Variants in UBE2E2 observed in about 807,000 individuals in gnomAD.
UBE2E2 encodes ubiquitin-conjugating enzyme E2 E2.
A neutral mutation model predicts 24.7 loss-of-function variants in UBE2E2; 6 were observed. The ratio of observed to expected loss-of-function variants is 0.24; its 90% CI spans 0.13 to 0.48. UBE2E2 has a LOEUF of 0.48. Among genes scored for constraint, UBE2E2 ranks in the 20% least tolerant of loss-of-function variants. The pLI is 0.99. For missense variants in UBE2E2, 169 were observed against 245.0 expected (o/e 0.69, Z 2.07); for synonymous variants, 104 against 83.6 (o/e 1.24, Z -1.33).
At chr3:23,581,752 T>A (rs556664364) in intron 5 of UBE2E2, among the ~76,000 whole-genome samples, 10 of 152,250 alleles carry the variant, frequency 6.6e-5, no homozygotes, top group South Asian at 2.1e-4. Context: ...AATAAAAAAA[T>A]TTTTCGTGTA....
chr3:23,500,348 T>C (rs780670266), intron 4 of UBE2E2, among the ~76,000 whole-genome samples: 1 of 152,238 alleles, frequency 6.6e-6, no homozygotes, highest in Non-Finnish European at 1.5e-5. Context: ...TATGTTCATG[T>C]CTGATGTGGA....
chr3:23,246,387 A>ATTTTTTTTTTT (rs35802594), intron 3 of UBE2E2, among the ~76,000 whole-genome samples: 1 of 122,476 alleles, frequency 8.2e-6, no homozygotes, highest in Non-Finnish European at 1.7e-5. Flanking sequence ...TGCCTGGCTA[A>ATTTTTTTTTTT]TTTTTTTTTT....
intron 3 of UBE2E2, among the ~76,000 whole-genome samples, chr3:23,285,814 A>G (rs879603555): frequency 2.0e-5 from 3 of 151,890 alleles, no homozygotes; most frequent in Admixed American, 1.3e-4. Context: ...TTTCTCAGCC[A>G]CTCGAATAGC....
At chr3:23,456,357 C>T (rs769611391) in intron 3 of UBE2E2, among the ~76,000 whole-genome samples, 1 of 152,216 alleles carries the variant, frequency 6.6e-6, no homozygotes, top group Non-Finnish European at 1.5e-5. Flanking sequence ...TTCTTAATGG[C>T]GTCTAGAATG....
intron 3 of UBE2E2, among the ~76,000 whole-genome samples, chr3:23,257,489 A>C (rs969652110): frequency 5.7e-5 from 7 of 122,310 alleles, no homozygotes; most frequent in Non-Finnish European, 8.4e-5. Flanking sequence ...GTTTAATAGG[A>C]ATTTCTTCTG....
intron 3 of UBE2E2, among the ~76,000 whole-genome samples, chr3:23,416,040 C>T (rs756249260): frequency 3.2e-4 from 48 of 152,148 alleles, no homozygotes; most frequent in Non-Finnish European, 5.9e-4. Flanking sequence ...TGATGGTTTC[C>T]GGCTTCATCC....
chr3:23,204,917 A>G (rs181069155), intron 1 of UBE2E2: 3 of 244,014 alleles, frequency 1.2e-5, no homozygotes, highest in African/African-American at 4.6e-5. Flanking sequence ...ATACTAGTAG[A>G]TACTGTTATA....
At chr3:23,292,740 T>C (rs907223989) in intron 3 of UBE2E2, among the ~76,000 whole-genome samples, 9 of 152,172 alleles carry the variant, frequency 5.9e-5, no homozygotes, top group Non-Finnish European at 1.0e-4. Context: ...TTTTACAAGG[T>C]TATGTAACCT....
chr3:23,485,558 C>G (rs1431154456), intron 3 of UBE2E2, among the ~76,000 whole-genome samples: 1 of 152,052 alleles, frequency 6.6e-6, no homozygotes, highest in Non-Finnish European at 1.5e-5. Context: ...AAAAAAAAAC[C>G]TCTCTTGTTT....
chr3:23,494,253 A>G (rs191100849), intron 3 of UBE2E2, among the ~76,000 whole-genome samples: 3 of 152,318 alleles, frequency 2.0e-5, no homozygotes, highest in Non-Finnish European at 4.4e-5. Flanking sequence ...CATGTATGTA[A>G]TTTTAAATCT....
intron 3 of UBE2E2, among the ~76,000 whole-genome samples, chr3:23,416,517 C>T (rs1442711109): frequency 3.3e-5 from 5 of 152,096 alleles, no homozygotes; most frequent in East Asian, 1.9e-4. Flanking sequence ...GTGAATCTGA[C>T]GATTATGTAT....
At chr3:23,486,290 G>A (rs1699369355) in intron 3 of UBE2E2, among the ~76,000 whole-genome samples, 2 of 152,174 alleles carry the variant, frequency 1.3e-5, no homozygotes, top group South Asian at 4.1e-4. Context: ...GGCTTCCACT[G>A]CAGGCACCCA....
At chr3:23,208,544 C>A in intron 1 of UBE2E2, 148 bp from the exon 2 acceptor site, 2 of 541,466 alleles carry the variant, frequency 3.7e-6, no homozygotes, top group Non-Finnish European at 5.9e-6. Flanking sequence ...GTTTTAGCAA[C>A]TCCCAAAGCT....
chr3:23,444,222 A>G (rs1679584087), intron 3 of UBE2E2, among the ~76,000 whole-genome samples: 1 of 152,076 alleles, frequency 6.6e-6, no homozygotes. Flanking sequence ...TGGAAGCACC[A>G]CGAGATACCC....
intron 3 of UBE2E2, among the ~76,000 whole-genome samples, chr3:23,439,215 C>G (rs767614592): frequency 6.6e-6 from 1 of 152,204 alleles, no homozygotes; most frequent in Non-Finnish European, 1.5e-5. Context: ...CAGGGGAAGG[C>G]TAACCTGAGA....
intron 3 of UBE2E2, among the ~76,000 whole-genome samples, chr3:23,473,353 T>A (rs1471971292): frequency 6.6e-6 from 1 of 152,128 alleles, no homozygotes; most frequent in Non-Finnish European, 1.5e-5. Flanking sequence ...TCTTTACTGA[T>A]TATCCCCAGG....
At chr3:23,267,603 C>T (rs1374937949) in intron 3 of UBE2E2, among the ~76,000 whole-genome samples, 1 of 151,932 alleles carries the variant, frequency 6.6e-6, no homozygotes, top group Non-Finnish European at 1.5e-5. Flanking sequence ...CAGATGGATT[C>T]ACAGCCGAAT....
At chr3:23,224,277 A>G (rs921588063) in intron 3 of UBE2E2, among the ~76,000 whole-genome samples, 1 of 146,334 alleles carries the variant, frequency 6.8e-6, no homozygotes, top group South Asian at 2.1e-4. Flanking sequence ...ATATTGTTAT[A>G]GTTCTTCTAA....
At chr3:23,239,820 G>A (rs912194852) in intron 3 of UBE2E2, among the ~76,000 whole-genome samples, 3 of 152,182 alleles carry the variant, frequency 2.0e-5, no homozygotes, top group South Asian at 2.1e-4. Context: ...TGGACTTTGA[G>A]TAGAAAGGAC....
Sources: gnomAD v4.1 joint callset for allele counts (sites outside exome capture counted in the v4.1 genomes callset) on GRCh38, gnomAD v4.1.1 for gene constraint, MANE v1.5 for transcripts, NCBI Gene and HGNC (gene_info 2026-07-23, HGNC 2026-07-21) for gene names.